SEMA3A: variants seen among roughly 807,000 people sequenced by gnomAD.
SEMA3A encodes semaphorin 3A.
A neutral mutation model predicts 97.9 loss-of-function variants in SEMA3A; 29 were observed. The observed-to-expected ratio is 0.30, with a 90% CI of 0.22 to 0.40. The LOEUF (loss-of-function observed/expected upper bound fraction) is 0.40, where lower values mean the gene tolerates loss of function less well. Ranked by LOEUF, SEMA3A falls within the 10% of genes least tolerant of loss-of-function variation. The pLI, the probability that SEMA3A is intolerant of heterozygous loss-of-function variation, is 1.00. For missense variants in SEMA3A, 763 were observed against 951.3 expected (o/e 0.80, Z 2.60); for synonymous variants, 321 against 323.7 (o/e 0.99, Z 0.09).
At chr7:84,060,388 T>C (rs1793164679) in intron 5 of SEMA3A, 77 bp downstream of exon 5, 1 of 849,752 alleles carries the variant, frequency 1.2e-6, no homozygotes, top group Non-Finnish European at 1.9e-6. Flanking sequence ...TGGAAAATCT[T>C]GGTAGATAAA....
intron 3 of SEMA3A, among the ~76,000 whole-genome samples, chr7:84,203,792 A>T (rs954032935): frequency 6.6e-6 from 1 of 151,722 alleles, no homozygotes; most frequent in Non-Finnish European, 1.5e-5. Flanking sequence ...CAGCCTCCCA[A>T]AGTGCTGGGA....
chr7:83,996,643 G>A (rs1384413897), intron 12 of SEMA3A, among the ~76,000 whole-genome samples: 3 of 152,108 alleles, frequency 2.0e-5, no homozygotes, highest in Admixed American at 6.5e-5. Context: ...CTTTTTAAAA[G>A]TATTTATAAT....
intron 1 of SEMA3A, among the ~76,000 whole-genome samples, chr7:84,422,189 T>G (rs1409752971): frequency 1.3e-5 from 2 of 152,104 alleles, no homozygotes; most frequent in Non-Finnish European, 2.9e-5. Flanking sequence ...CTGCCTCAAT[T>G]TCAGAACTTG....
chr7:84,124,732 C>A (rs1417400934), intron 3 of SEMA3A, among the ~76,000 whole-genome samples: 1 of 151,966 alleles, frequency 6.6e-6, no homozygotes, highest in Non-Finnish European at 1.5e-5. Context: ...AGGGATCCAT[C>A]CAATAGCTAT....
chr7:84,431,525 C>T (rs958364170), intron 1 of SEMA3A, among the ~76,000 whole-genome samples: 11 of 151,816 alleles, frequency 7.2e-5, no homozygotes, highest in African/African-American at 2.2e-4. Context: ...ATTTGAATTG[C>T]ACTCAATGAC....
chr7:84,159,079 C>T (rs1253786427), intron 1 of SEMA3A, among the ~76,000 whole-genome samples: 1 of 151,674 alleles, frequency 6.6e-6, no homozygotes, highest in Non-Finnish European at 1.5e-5. Context: ...CATGACTTCA[C>T]ATTATCATTA....
chr7:84,001,235 G>T (rs2116385187), intron 12 of SEMA3A, among the ~76,000 whole-genome samples: 1 of 152,058 alleles, frequency 6.6e-6, no homozygotes, highest in Non-Finnish European at 1.5e-5. Context: ...CTTCCCAAAA[G>T]GAACAACAGA....
chr7:83,982,577 C>T (rs1429639061), intron 13 of SEMA3A, among the ~76,000 whole-genome samples: 1 of 152,048 alleles, frequency 6.6e-6, no homozygotes, highest in Non-Finnish European at 1.5e-5. Flanking sequence ...TTAAGTAAAA[C>T]TTACATAAAT....
chr7:84,174,715 A>G (rs1797506596), intron 1 of SEMA3A, among the ~76,000 whole-genome samples: 1 of 152,200 alleles, frequency 6.6e-6, no homozygotes, highest in Admixed American at 6.5e-5. Context: ...AAATAAAGAG[A>G]TAGAACAAAT....
intron 12 of SEMA3A, 125 bp from the exon 13 acceptor site, chr7:83,985,602 G>GTCTTATTTCCCAGTC: frequency 1.3e-6 from 1 of 741,920 alleles, no homozygotes; most frequent in Non-Finnish European, 2.4e-6. Context: ...GAAGCAATGT[G>GTCTTATTTCCCAGTC]ACTGGGAAAT....
chr7:84,231,566 G>C (rs1196457335), intron 3 of SEMA3A, among the ~76,000 whole-genome samples: 1 of 151,944 alleles, frequency 6.6e-6, no homozygotes, highest in Non-Finnish European at 1.5e-5. Context: ...TTTTTAAGGA[G>C]AGACCTATTA....
intron 2 of SEMA3A, among the ~76,000 whole-genome samples, chr7:84,355,495 G>C (rs1368859714): frequency 6.6e-6 from 1 of 151,772 alleles, no homozygotes; most frequent in Non-Finnish European, 1.5e-5. Context: ...AGAGAAAGAA[G>C]AGTGCATTTC....
At chr7:84,231,465 A>T (rs186672024) in intron 3 of SEMA3A, among the ~76,000 whole-genome samples, 1 of 152,132 alleles carries the variant, frequency 6.6e-6, no homozygotes, top group East Asian at 1.9e-4. Flanking sequence ...AAGTTCTTTG[A>T]ACATAATTTT....
intron 1 of SEMA3A, among the ~76,000 whole-genome samples, chr7:84,453,707 C>T (rs1180441890): frequency 6.6e-6 from 1 of 152,150 alleles, no homozygotes; most frequent in Non-Finnish European, 1.5e-5. Context: ...CTATCGTGTA[C>T]ATTATCTCAG....
chr7:84,264,093 GTATA>G (rs1400604239), intron 3 of SEMA3A, among the ~76,000 whole-genome samples: 1 of 151,930 alleles, frequency 6.6e-6, no homozygotes, highest in Non-Finnish European at 1.5e-5. Flanking sequence ...GTTTACGATA[GTATA>G]TATATTTTTA....
chr7:84,174,841 G>C (rs1018397631), intron 1 of SEMA3A, among the ~76,000 whole-genome samples: 2 of 152,060 alleles, frequency 1.3e-5, no homozygotes, highest in African/African-American at 4.8e-5. Context: ...GTTGTTCTGT[G>C]TTTTAAGTGA....
chr7:84,310,623 G>C (rs961233796), intron 2 of SEMA3A, among the ~76,000 whole-genome samples: 1 of 151,978 alleles, frequency 6.6e-6, no homozygotes, highest in Non-Finnish European at 1.5e-5. Flanking sequence ...TCTGATGTCT[G>C]CTAGTTCTTA....
intron 1 of SEMA3A, among the ~76,000 whole-genome samples, chr7:84,404,875 A>G (rs1804026698): frequency 6.6e-6 from 1 of 150,938 alleles, no homozygotes; most frequent in Non-Finnish European, 1.5e-5. Flanking sequence ...GGCCTGCCCT[A>G]AAAGAGCTCC....
chr7:83,981,296 C>A, intron 14 of SEMA3A, 25 bp downstream of exon 14: 1 of 1,609,614 alleles, frequency 6.2e-7, no homozygotes, highest in South Asian at 1.1e-5. Flanking sequence ...GCAAACATTT[C>A]ATTTATTTTG....
Sources: allele counts gnomAD v4.1 joint callset (sites outside exome capture counted in the v4.1 genomes callset), GRCh38; gene constraint gnomAD v4.1.1; transcripts MANE v1.5; gene names NCBI Gene and HGNC (gene_info 2026-07-23, HGNC 2026-07-21).